BCKDHA: variants seen among roughly 807,000 people sequenced by gnomAD.
BCKDHA encodes the protein 2-oxoisovalerate dehydrogenase subunit alpha, mitochondrial.
In BCKDHA, 43 loss-of-function variants were observed where a neutral mutation model predicts 52.2. The ratio of observed to expected loss-of-function variants is 0.82; its 90% CI spans 0.64 to 1.06. The LOEUF (loss-of-function observed/expected upper bound fraction) is 1.06, where lower values mean the gene tolerates loss of function less well. Ranked by LOEUF, BCKDHA falls within the 50% of genes least tolerant of loss-of-function variation. The pLI, the probability that BCKDHA is intolerant of heterozygous loss-of-function variation, is 0.00. For synonymous variants in BCKDHA, 234 were observed against 247.9 expected, an observed-to-expected ratio of 0.94 and a Z score of 0.53; for missense variants, 527 against 621.3, an observed-to-expected ratio of 0.85 and a Z score of 1.61.
Position 41,419,210 on chromosome 19 carries a change from A to C in BCKDHA, c.560A>C (p.Lys187Thr). Residue 187 changes from lysine to threonine, a missense_variant, in exon 5 of 9, where the codon AAG (lysine) becomes ACG (threonine). Transcript: ENST00000269980. ...TATGGCAACATCAGTGACTTGGGCA[A>C]GGGGCGCCAGATGCCTGTCCACTAC... ...QCYGNISDLG[K>T]GRQMPVHYGC... 6.2e-7 allele frequency: 1 copy of C among 1,614,214 alleles called. No individual in the cohort carries two copies. Among genetic ancestry groups the C allele is most frequent in the South Asian group, 1.1e-5 (1 of 91,086 alleles).
chr19:41,422,799 C>T, intron 7 of BCKDHA, 29 bp downstream of exon 7: 1 of 1,611,962 alleles, frequency 6.2e-7, no homozygotes, highest in South Asian at 1.1e-5. Flanking sequence ...GTCAGCACCC[C>T]CACAGCACTG....
At chr19:41,400,073 C>A (rs1467148126) in intron 1 of BCKDHA, among the ~76,000 whole-genome samples, 2 of 151,626 alleles carry the variant, frequency 1.3e-5, no homozygotes, top group East Asian at 3.9e-4. Context: ...CTAGCCTTTT[C>A]TTTTTTTGAG....
In BCKDHA at chr19:41,422,180, C is replaced by T. The variant is rs151227241; in HGVS notation, c.663C>T (p.Tyr221=). Residue 221 remains tyrosine, a synonymous_variant, in exon 6 of 9, where the codon TAC becomes TAT. Coordinates refer to ENST00000269980, the MANE Select transcript of BCKDHA (RefSeq NM_000709.4). ...TQIPQAVGAA[Y]AAKRANANRV... ...CCCCTGCAGCGGTGGGGGCGGCGTA[C>T]GCAGCCAAGCGGGCCAATGCCAACA... 1.1e-4 allele frequency: 173 copies of T among 1,613,700 alleles called. No individual in the cohort carries two copies. The highest frequency in any genetic ancestry group is 1.1e-4 in the Non-Finnish European group (124 of 1,179,952).
intron 1 of BCKDHA, chr19:41,399,234 T>A (rs2039109943): frequency 6.6e-6 from 1 of 152,018 alleles, no homozygotes; most frequent in Non-Finnish European, 1.5e-5. Context: ...AGTAGGTATC[T>A]AGGAACGGAG....
intron 1 of BCKDHA, among the ~76,000 whole-genome samples, chr19:41,398,811 C>T (rs1301300608): frequency 1.6e-5 from 2 of 128,936 alleles, no homozygotes; most frequent in Non-Finnish European, 3.2e-5. Flanking sequence ...CCTTGCTCTG[C>T]CGCTTTCCAC....
At position 41,423,028 on chromosome 19, in the gene BCKDHA, T is replaced by C. The variant is rs1599962282; in HGVS notation, c.1026T>C (p.Ser342=). 1.9e-6 allele frequency: 3 copies of C among 1,609,322 alleles called. No homozygotes were observed. Among genetic ancestry groups the C allele is most frequent in the South Asian group, 1.1e-5 (1 of 90,110 alleles). The change falls in exon 8 of 9, where the codon AGT becomes AGC. Residue 342 remains serine (S), a synonymous_variant. Transcript: ENST00000269980. ...GGCACCACAGCACCAGTGACGACAG[T>C]TCAGCGTACCGCTCGGTGGATGAGG... ...RIGHHSTSDD[S]SAYRSVDEVN... is the part of the protein sequence containing the mutation.
At chr19:41,411,424 C>T (rs955682065) in intron 3 of BCKDHA, among the ~76,000 whole-genome samples, 1 of 152,168 alleles carries the variant, frequency 6.6e-6, no homozygotes, top group Non-Finnish European at 1.5e-5. Flanking sequence ...AGGATCCAGT[C>T]AAGCCAGTGT....
chr19:41,410,527 C>A (rs1599952807), intron 1 of BCKDHA, 110 bp from the exon 2 acceptor site: 2 of 1,275,548 alleles, frequency 1.6e-6, no homozygotes, highest in Non-Finnish European at 1.1e-6. Context: ...CCAGAGTTCA[C>A]TGGGGCCACA....
At chr19:41,419,106 C>T (rs770609569) in intron 4 of BCKDHA, 29 bp from the exon 5 acceptor site, 15 of 1,613,694 alleles carry the variant, frequency 9.3e-6, no homozygotes, top group African/African-American at 2.7e-5. Context: ...ACTGCCCACT[C>T]GGCTAACCAT....
chr19:41,404,081 G>A (rs1360132529), intron 1 of BCKDHA, among the ~76,000 whole-genome samples: 1 of 152,026 alleles, frequency 6.6e-6, no homozygotes, highest in Non-Finnish European at 1.5e-5. Context: ...CTCGGCTCAA[G>A]CGATTCTCGT....
intron 6 of BCKDHA, 31 bp downstream of exon 6, chr19:41,422,401 G>T: frequency 6.2e-7 from 1 of 1,612,218 alleles, no homozygotes; most frequent in South Asian, 1.1e-5. Context: ...TCCCCACCCC[G>T]CTGGGATCAT....
rs1478344259 is a variant in BCKDHA, at chr19:41,419,245, G to A, written c.595G>A (p.Glu199Lys). Residue 199 changes from glutamate (E) to lysine (K), a missense_variant, in exon 5 of 9, where the codon GAA (glutamate) becomes AAA (lysine). Transcript: ENST00000269980. ...GATGCCTGTCCACTACGGCTGCAAG[G>A]AACGCCACTTCGTCACTATCTCCTC... ...RQMPVHYGCK[E>K]RHFVTISSPL... 6.2e-7 allele frequency: 1 copy of A among 1,614,204 alleles called. No individual in the cohort carries two copies. Among genetic ancestry groups the A allele is most frequent in the South Asian group, 1.1e-5 (1 of 91,078 alleles).
chr19:41,420,987 C>T (rs2039358257), intron 5 of BCKDHA, among the ~76,000 whole-genome samples: 1 of 152,226 alleles, frequency 6.6e-6, no homozygotes, highest in Non-Finnish European at 1.5e-5. Context: ...GGCCTCAGCA[C>T]TGTGCCCAGC....
chr19:41,412,380 C>CTTTTTTTTTTTTTT (rs530972813), intron 3 of BCKDHA, among the ~76,000 whole-genome samples: 6 of 65,854 alleles, frequency 9.1e-5, no homozygotes, highest in Non-Finnish European at 1.2e-4. Flanking sequence ...GTAGATATTT[C>CTTTTTTTTTTTTTT]TTTTTTTTTT....
intron 1 of BCKDHA, among the ~76,000 whole-genome samples, chr19:41,400,883 G>T (rs2039131801): frequency 6.6e-6 from 1 of 151,492 alleles, no homozygotes; most frequent in Admixed American, 6.6e-5. Flanking sequence ...GTAATGGCGT[G>T]TGCCTGTAGT....
At chr19:41,404,895 A>T (rs960132672) in intron 1 of BCKDHA, among the ~76,000 whole-genome samples, 1 of 152,090 alleles carries the variant, frequency 6.6e-6, no homozygotes, top group South Asian at 2.1e-4. Context: ...GAGCCACCGC[A>T]CCCAGCCATA....
chr19:41,424,301 C>A, intron 8 of BCKDHA, 137 bp from the exon 9 acceptor site: 1 of 964,044 alleles, frequency 1.0e-6, no homozygotes, highest in Non-Finnish European at 1.6e-6. Context: ...TACACTTCTG[C>A]TAGGATAATC....
At chr19:41,423,213 G>C in intron 8 of BCKDHA, 44 bp downstream of exon 8, 1 of 1,546,798 alleles carries the variant, frequency 6.5e-7, no homozygotes, top group South Asian at 1.2e-5. Flanking sequence ...GGCTGCTGCG[G>C]CCTGCAGAGC....
At chr19:41,404,835 T>A (rs1048619605) in intron 1 of BCKDHA, among the ~76,000 whole-genome samples, 1 of 150,850 alleles carries the variant, frequency 6.6e-6, no homozygotes, top group East Asian at 2.0e-4. Context: ...CTCCTGACCT[T>A]AAGTGATTCA....
Sources: allele counts gnomAD v4.1 joint callset (sites outside exome capture counted in the v4.1 genomes callset), GRCh38; gene constraint gnomAD v4.1.1; transcripts MANE v1.5; gene names NCBI Gene and HGNC (gene_info 2026-07-23, HGNC 2026-07-21).